NOS1: variants seen among roughly 807,000 people sequenced by gnomAD.
NOS1 encodes NOS type I.
A neutral mutation model predicts 164.5 loss-of-function variants in NOS1; 51 were observed. That is an observed-to-expected ratio of 0.31 (90% CI 0.25 to 0.39). The LOEUF (loss-of-function observed/expected upper bound fraction) is 0.39, where lower values mean the gene tolerates loss of function less well. Among genes scored for constraint, NOS1 ranks in the 10% least tolerant of loss-of-function variants. The pLI is 1.00. For missense variants in NOS1, 1,362 were observed against 1,885.6 expected (o/e 0.72, Z 5.14); for synonymous variants, 719 against 745.8 (o/e 0.96, Z 0.59).
At chr12:117,297,444 T>C (rs531315782) in intron 3 of NOS1, among the ~76,000 whole-genome samples, 1 of 151,320 alleles carries the variant, frequency 6.6e-6, no homozygotes, top group African/African-American at 2.4e-5. Flanking sequence ...CAGGCTGGAG[T>C]GCAATGGTGC....
At chr12:117,231,775 G>T (rs1304770857) in intron 22 of NOS1, among the ~76,000 whole-genome samples, 187 bp downstream of exon 22, 2 of 152,176 alleles carry the variant, frequency 1.3e-5, no homozygotes, top group South Asian at 2.1e-4. Context: ...CTCTTGCTCT[G>T]CCAGGCCTTA....
At chr12:117,342,019 C>T (rs1310510195) in intron 1 of NOS1, among the ~76,000 whole-genome samples, 1 of 152,152 alleles carries the variant, frequency 6.6e-6, no homozygotes, top group Non-Finnish European at 1.5e-5. Context: ...AAAAAGGAAA[C>T]ATATTATCAG....
chr12:117,259,559 C>T (rs575800860), intron 14 of NOS1, among the ~76,000 whole-genome samples: 2 of 152,238 alleles, frequency 1.3e-5, no homozygotes, highest in South Asian at 4.2e-4. Context: ...CTCTAATCCT[C>T]CCCCGAGCAG....
Position 117,214,009 on chromosome 12 carries a change from A to G in NOS1, c.*1300T>C, listed in dbSNP as rs1283081997. ...TTGTCAAAATTAATTTAACAGGTTTAAAACTTTGGAGATCAACTGCAGAGG... is the reference window on the plus strand; with the variant it reads ...TTGTCAAAATTAATTTAACAGGTTTGAAACTTTGGAGATCAACTGCAGAGG... On this transcript the variant is annotated 3_prime_UTR_variant, in exon 29 of 29. Coordinates refer to ENST00000317775, the MANE Select transcript of NOS1 (RefSeq NM_000620.5). 1 of 985,382 alleles carries G rather than the reference A, an allele frequency of 1.0e-6. No homozygotes were observed. The highest frequency in any genetic ancestry group is 1.2e-6 in the Non-Finnish European group (1 of 829,932). The allele number at this position is 985,382 out of a possible 1,614,324, so 61.0% of individuals were successfully genotyped here.
chr12:117,291,195 C>T (rs913134078), intron 3 of NOS1, among the ~76,000 whole-genome samples: 2 of 152,136 alleles, frequency 1.3e-5, no homozygotes, highest in African/African-American at 4.8e-5. Flanking sequence ...GCCTGGGAGA[C>T]AGAAGGAGCC....
chr12:117,270,850 A>G (rs1872740498), intron 10 of NOS1, among the ~76,000 whole-genome samples: 1 of 152,148 alleles, frequency 6.6e-6, no homozygotes, highest in Non-Finnish European at 1.5e-5. Context: ...AGCCTGGCCA[A>G]CATGGTGAAA....
Position 117,336,084 on chromosome 12 carries a change from A to G in NOS1, c.-420-4595T>C, listed in dbSNP as rs537419356. On this transcript the variant is annotated intron_variant, in intron 1 of 28. Coordinates refer to ENST00000317775, the MANE Select transcript of NOS1 (RefSeq NM_000620.5). ...TCAGGGACATAAATCAAGGAGGTAG[A>G]CCTGGGTCTAAGTGAGTGGTCAATC... is the stretch of plus-strand genomic sequence containing the variant. Among the ~76,000 whole-genome samples, 7 of 152,304 alleles carry G rather than the reference A, an allele frequency of 4.6e-5. 1 individual carries two copies. The South Asian group carries it at 1.4e-3, about 32-fold the overall frequency.
chr12:117,280,348 T>C (rs1004629982), intron 8 of NOS1, among the ~76,000 whole-genome samples: 3 of 152,230 alleles, frequency 2.0e-5, no homozygotes, highest in Non-Finnish European at 4.4e-5. Flanking sequence ...ATGCCAGATA[T>C]GGCTTCCATT....
Position 117,211,779 on chromosome 12 carries a change from C to A in NOS1, c.*3530G>T. 1.0e-6 allele frequency: 1 copy of A among 985,346 alleles called. No individual in the cohort carries two copies. Among genetic ancestry groups the A allele is most frequent in the South Asian group, 4.7e-5 (1 of 21,288 alleles). 61.0% of individuals were successfully genotyped at this position (985,346 alleles called of 1,614,324 possible). On this transcript the variant is annotated 3_prime_UTR_variant, in exon 29 of 29. Coordinates refer to ENST00000317775, the MANE Select transcript of NOS1 (RefSeq NM_000620.5). ...GGTGTCTCTCTCCATCAGATTATAA[C>A]CTTTGGCTGGGCGTGGTGGCTCATG...
intron 7 of NOS1, among the ~76,000 whole-genome samples, chr12:117,283,682 C>G (rs565956482): frequency 6.6e-6 from 1 of 151,790 alleles, no homozygotes; most frequent in Non-Finnish European, 1.5e-5. Context: ...ATGGTGAAAC[C>G]CTGTCTCTAC....
intron 13 of NOS1, among the ~76,000 whole-genome samples, chr12:117,261,469 A>T (rs1214046085): frequency 6.6e-6 from 1 of 152,132 alleles, no homozygotes; most frequent in Non-Finnish European, 1.5e-5. Flanking sequence ...GTGTGTGTGT[A>T]TGCACATGTG....
At chr12:117,299,521 C>A (rs1336058571) in intron 3 of NOS1, among the ~76,000 whole-genome samples, 13 of 151,848 alleles carry the variant, frequency 8.6e-5, no homozygotes, top group African/African-American at 3.1e-4. Context: ...CGCCTGTAGT[C>A]CCAGCTACTC....
At chr12:117,328,665 A>G (rs1037665013) in intron 2 of NOS1, among the ~76,000 whole-genome samples, 2 of 152,114 alleles carry the variant, frequency 1.3e-5, no homozygotes, top group African/African-American at 4.8e-5. Context: ...CCCGGGTCCA[A>G]GTGATTCTCC....
At chr12:117,228,307 A>G (rs1868880183) in intron 22 of NOS1, among the ~76,000 whole-genome samples, 1 of 152,092 alleles carries the variant, frequency 6.6e-6, no homozygotes, top group South Asian at 2.1e-4. Context: ...GGTGAAACTG[A>G]TCCTTGCTCT....
chr12:117,340,241 C>T (rs934479277), intron 1 of NOS1, among the ~76,000 whole-genome samples: 4 of 152,158 alleles, frequency 2.6e-5, no homozygotes, highest in Non-Finnish European at 2.9e-5. Context: ...CGGCCTCAAG[C>T]AATCCTTCCA....
At chr12:117,259,652 C>T (rs1447301803) in intron 14 of NOS1, among the ~76,000 whole-genome samples, 1 of 152,218 alleles carries the variant, frequency 6.6e-6, no homozygotes, top group Non-Finnish European at 1.5e-5. Flanking sequence ...GTCTGAGCAA[C>T]ATTTCTCAAA....
chr12:117,348,109 A>G (rs1397761300), intron 1 of NOS1: 1 of 150,252 alleles, frequency 6.7e-6, no homozygotes, highest in Non-Finnish European at 1.5e-5. Flanking sequence ...CACACCTGGG[A>G]AGCCCCTGGA....
chr12:117,289,025 A>G (rs1872883892), intron 4 of NOS1, among the ~76,000 whole-genome samples: 2 of 152,216 alleles, frequency 1.3e-5, no homozygotes, highest in Admixed American at 6.5e-5. Context: ...AAAATAATAC[A>G]TAGTTTTAAT....
chr12:117,245,469 C>A (rs2135957858), intron 18 of NOS1: 1 of 152,290 alleles, frequency 6.6e-6, no homozygotes, highest in South Asian at 2.1e-4. Flanking sequence ...ACTGAGCATA[C>A]AAAATGTGCT....
Sources: gnomAD v4.1 joint callset for allele counts (sites outside exome capture counted in the v4.1 genomes callset) on GRCh38, gnomAD v4.1.1 for gene constraint, MANE v1.5 for transcripts, NCBI Gene and HGNC (gene_info 2026-07-23, HGNC 2026-07-21) for gene names.